UBE2F: variants seen among roughly 807,000 people sequenced by gnomAD.
UBE2F encodes the protein NEDD8-conjugating enzyme UBE2F.
UBE2F carries 5 observed loss-of-function variants against 29.6 expected under a neutral mutation model. The observed-to-expected ratio is 0.17, with a 90% confidence interval of 0.09 to 0.36. The LOEUF is 0.36. UBE2F is among the 10% of genes least tolerant of loss of function. UBE2F has a pLI of 1.00. For synonymous variants in UBE2F, 66 were observed against 81.8 expected, an observed-to-expected ratio of 0.81 and a Z score of 1.04; for missense variants, 141 against 228.5, an observed-to-expected ratio of 0.62 and a Z score of 2.47.
Position 238,016,731 on chromosome 2 carries a change from C to T in UBE2F, c.282+98C>T, listed in dbSNP as rs771542169. The T allele has an allele frequency of 1.6e-5, 16 of 977,006 alleles. No homozygotes were observed. In the African/African-American group the frequency reaches 1.8e-4, roughly 11 times the overall value. 60.5% of individuals were successfully genotyped at this position (977,006 alleles called of 1,614,324 possible). On this transcript the variant is annotated intron_variant, in intron 5 of 9. Coordinates refer to ENST00000272930, the MANE Select transcript of UBE2F (RefSeq NM_080678.3). ...CACAGGGCCCTAGCACTCCCCTCTG[C>T]GTGTGTCCATGTGTGACTGAGTACT... is the stretch of plus-strand genomic sequence containing the variant.
At position 237,988,429 on chromosome 2, in the gene UBE2F, C is replaced by CAGAGCA. The variant is rs1431355357; in HGVS notation, c.148+441_148+446dup. ...GGCCACTGCACTCCAACCTGGGCAA[C>CAGAGCA]AGAGCAAGACTCCATCTCAAAAAAA... On this transcript the variant is annotated intron_variant, in intron 3 of 9. Transcript: ENST00000272930. 4.3e-5 allele frequency among the ~76,000 whole-genome samples: 6 copies of CAGAGCA among 138,492 alleles called. No homozygotes were observed. In the East Asian group the frequency reaches 1.3e-3, roughly 30 times the overall value. The allele number at this position is 138,492 out of a possible 152,430, so 90.9% of individuals were successfully genotyped here. A position where few individuals can be genotyped will look rare whatever the true frequency, so the allele number is the denominator to read the frequency against.
intron 4 of UBE2F, among the ~76,000 whole-genome samples, chr2:238,015,611 T>C (rs1331285837): frequency 1.3e-5 from 2 of 152,106 alleles, no homozygotes; most frequent in Non-Finnish European, 2.9e-5. Context: ...AATGATGACT[T>C]GTTTGAGGCT....
rs536933991 is a variant in UBE2F at position 238,025,040 on chromosome 2, C to T, written c.283-302C>T. On this transcript the variant is annotated intron_variant, in intron 5 of 9. Transcript: ENST00000272930. ...CAAACCCAGGGGGTGTGGGAGGTGA[C>T]AGAGGTCCAGTCACCAGCACTGTCA... 2.6e-5 allele frequency among the ~76,000 whole-genome samples: 4 copies of T among 152,268 alleles called. No individual in the cohort carries two copies. The South Asian group carries it at 8.3e-4, about 32-fold the overall frequency.
intron 6 of UBE2F, among the ~76,000 whole-genome samples, chr2:238,030,006 C>T (rs184778178): frequency 7.1e-4 from 108 of 151,268 alleles, no homozygotes; most frequent in Admixed American, 2.2e-3. Flanking sequence ...AGTACAGGGG[C>T]GCCATCACAG....
intron 1 of UBE2F, among the ~76,000 whole-genome samples, chr2:237,972,853 A>G (rs1257209967): frequency 6.6e-6 from 1 of 152,150 alleles, no homozygotes; most frequent in Non-Finnish European, 1.5e-5. Flanking sequence ...GTGCCCAGCC[A>G]TGACTCTCTT....
intron 4 of UBE2F, chr2:238,003,231 A>T (rs1280705576): frequency 2.6e-5 from 9 of 339,726 alleles, no homozygotes; most frequent in Admixed American, 6.9e-5. Context: ...AAATAATCTT[A>T]AAAATACAGA....
rs556320469 is a variant in UBE2F at position 238,039,191 on chromosome 2, C to T, written c.508-2097C>T. ...CGGAGGTTGCAGTGAACTGAGATCA[C>T]GCCATTGCACTCCTGCCTGGGCAGC... On this transcript the variant is annotated intron_variant, in intron 9 of 9. Coordinates refer to ENST00000272930, the MANE Select transcript of UBE2F (RefSeq NM_080678.3). Among the ~76,000 whole-genome samples, 6 of 152,316 alleles carry T rather than the reference C, an allele frequency of 3.9e-5. No homozygotes were observed. In the East Asian group the frequency reaches 7.7e-4, roughly 20 times the overall value.
intron 2 of UBE2F, among the ~76,000 whole-genome samples, chr2:237,985,967 G>A (rs1361016353): frequency 6.6e-6 from 1 of 151,958 alleles, no homozygotes; most frequent in Non-Finnish European, 1.5e-5. Context: ...GCATATATCT[G>A]TTGGCCATTT....
intron 2 of UBE2F, among the ~76,000 whole-genome samples, chr2:237,983,115 G>A (rs1385011379): frequency 6.6e-6 from 1 of 152,318 alleles, no homozygotes; most frequent in South Asian, 2.1e-4. Context: ...GATTACAGAT[G>A]TGAGCCACTG....
intron 2 of UBE2F, among the ~76,000 whole-genome samples, chr2:237,984,284 G>A (rs889344295): frequency 6.6e-6 from 1 of 152,114 alleles, no homozygotes; most frequent in South Asian, 2.1e-4. Flanking sequence ...CCTCCACTTT[G>A]CCCTTTCTAA....
intron 4 of UBE2F, among the ~76,000 whole-genome samples, chr2:238,010,962 C>T (rs1281870708): frequency 1.3e-5 from 2 of 152,160 alleles, no homozygotes; most frequent in South Asian, 2.1e-4. Context: ...CTCCTCCCTC[C>T]GTGCCTAATC....
intron 2 of UBE2F, among the ~76,000 whole-genome samples, chr2:237,974,437 G>C (rs1190814912): frequency 2.7e-5 from 4 of 150,794 alleles, no homozygotes; most frequent in Non-Finnish European, 4.4e-5. Context: ...TGATTTGCTC[G>C]CTTTGGCCTC....
intron 5 of UBE2F, among the ~76,000 whole-genome samples, chr2:238,018,384 A>G (rs918112771): frequency 7.2e-5 from 11 of 151,964 alleles, no homozygotes; most frequent in African/African-American, 2.7e-4. Context: ...GGCATCAGAG[A>G]ACCATTGTTT....
At chr2:237,973,509 G>C in intron 2 of UBE2F, 1 of 505,094 alleles carries the variant, frequency 2.0e-6, no homozygotes, top group Non-Finnish European at 3.4e-6. Flanking sequence ...AAGGTGCTGA[G>C]AGTCAGCAAA....
chr2:237,995,866 G>A (rs1024836485), intron 4 of UBE2F, among the ~76,000 whole-genome samples: 5 of 152,176 alleles, frequency 3.3e-5, no homozygotes, highest in Admixed American at 3.3e-4. Context: ...TCTAAGATAA[G>A]GAGAGTACTT....
chr2:238,003,716 GTCTTT>G lies in UBE2F; in HGVS notation c.214+8909_214+8913del, dbSNP rs1163006425. Among the ~76,000 whole-genome samples the G allele has an allele frequency of 2.0e-5, 3 of 152,152 alleles. No homozygotes were observed. The East Asian group carries it at 5.8e-4, about 29-fold the overall frequency. ...TAAGTTTCCCGTTCCACCTGATGGT[GTCTTT>G]TATGTGGCACAGGCTTTTTATCTTT... On this transcript the variant is annotated intron_variant, in intron 4 of 9. Coordinates refer to ENST00000272930, the MANE Select transcript of UBE2F (RefSeq NM_080678.3).
At chr2:238,025,303 A>C (rs759989092) in intron 5 of UBE2F, 39 bp from the exon 6 acceptor site, 1 of 1,572,390 alleles carries the variant, frequency 6.4e-7, no homozygotes, top group Non-Finnish European at 8.8e-7. Context: ...ATTTGCAGAG[A>C]CTGTCGGCGT....
intron 5 of UBE2F, among the ~76,000 whole-genome samples, chr2:238,023,467 G>A (rs546296188): frequency 6.8e-4 from 104 of 152,132 alleles, no homozygotes; most frequent in African/African-American, 2.3e-3. Flanking sequence ...TTATAGTGTC[G>A]AAAAAGTATT....
intron 3 of UBE2F, among the ~76,000 whole-genome samples, chr2:237,993,542 G>A (rs2063630555): frequency 1.3e-5 from 2 of 152,168 alleles, no homozygotes; most frequent in South Asian, 4.2e-4. Flanking sequence ...GCGAAAACCT[G>A]TCTCTACAAA....
Sources: allele counts gnomAD v4.1 joint callset (sites outside exome capture counted in the v4.1 genomes callset), GRCh38; gene constraint gnomAD v4.1.1; transcripts MANE v1.5; gene names NCBI Gene and HGNC (gene_info 2026-07-23, HGNC 2026-07-21).